The following CDK14 variants were observed in gnomAD, a reference collection of about 807,000 sequenced individuals.
The protein encoded by CDK14 is cyclin dependent kinase 14.
CDK14 carries 34 observed loss-of-function variants against 60.7 expected under a neutral mutation model. That is an observed-to-expected ratio of 0.56 (90% CI 0.43 to 0.75). The LOEUF (loss-of-function observed/expected upper bound fraction) is 0.75, where lower values mean the gene tolerates loss of function less well. CDK14 is among the 30% of genes least tolerant of loss of function. The pLI is 0.00. For synonymous variants in CDK14, 197 were observed against 203.7 expected, an observed-to-expected ratio of 0.97 and a Z score of 0.28; for missense variants, 482 against 564.1, an observed-to-expected ratio of 0.85 and a Z score of 1.47.
chr7:91,090,777 A>C (rs958511295), intron 12 of CDK14, among the ~76,000 whole-genome samples: 1 of 152,136 alleles, frequency 6.6e-6, no homozygotes, highest in African/African-American at 2.4e-5. Flanking sequence ...TGAATATTGA[A>C]TGTCTCTCTC....
intron 2 of CDK14, among the ~76,000 whole-genome samples, chr7:90,696,007 A>G (rs909843774): frequency 2.6e-5 from 4 of 152,172 alleles, no homozygotes; most frequent in African/African-American, 9.7e-5. Flanking sequence ...GGGAAGAAGA[A>G]TGTGAGAATA....
At chr7:91,092,948 A>G (rs568185204) in intron 12 of CDK14, among the ~76,000 whole-genome samples, 7 of 152,310 alleles carry the variant, frequency 4.6e-5, no homozygotes, top group Middle Eastern at 6.8e-3. Flanking sequence ...CCCTCCTCCA[A>G]TGTTTTCATA....
rs888024500 is a variant in CDK14, at chr7:90,611,144, T to C, written c.123+6895T>C. Among the ~76,000 whole-genome samples the C allele has an allele frequency of 1.3e-5, 2 of 152,218 alleles. 1 individual carries two copies. Among genetic ancestry groups the C allele is most frequent in the Non-Finnish European group, 2.9e-5 (2 of 68,042 alleles). On this transcript the variant is annotated intron_variant, in intron 2 of 14. Coordinates refer to ENST00000380050, the MANE Select transcript of CDK14 (RefSeq NM_001287135.2). The stretch of plus-strand genomic sequence containing the variant: ...CTTACATAATTGATTCTTTCCTTTC[T>C]TTTCTATGTTTTCTGCCCTCTCCTT...
chr7:90,980,353 G>T (rs1056133051), intron 9 of CDK14, among the ~76,000 whole-genome samples: 1 of 152,050 alleles, frequency 6.6e-6, no homozygotes, highest in African/African-American at 2.4e-5. Context: ...TCAAAAGAAG[G>T]AACAAAGGAG....
At chr7:91,139,125 A>AGT (rs1160461346) in intron 14 of CDK14, among the ~76,000 whole-genome samples, 1 of 152,160 alleles carries the variant, frequency 6.6e-6, no homozygotes, top group African/African-American at 2.4e-5. Context: ...TTTCTTCATC[A>AGT]GTGCTCCCTC....
chr7:90,835,243 A>G (rs1199552129), intron 5 of CDK14, among the ~76,000 whole-genome samples: 1 of 152,132 alleles, frequency 6.6e-6, no homozygotes, highest in Admixed American at 6.5e-5. Flanking sequence ...ATTTGTAAGG[A>G]TTGGGATCTT....
chr7:91,194,495 G>C (rs1289840781), intron 14 of CDK14, among the ~76,000 whole-genome samples: 1 of 152,020 alleles, frequency 6.6e-6, no homozygotes, highest in Non-Finnish European at 1.5e-5. Flanking sequence ...AAAATAGGCT[G>C]TGGGGGTTTT....
At chr7:91,052,979 CTG>C (rs762620930) in intron 11 of CDK14, among the ~76,000 whole-genome samples, 4 of 151,722 alleles carry the variant, frequency 2.6e-5, no homozygotes, top group Non-Finnish European at 5.9e-5. Context: ...ACGGACTTAG[CTG>C]TATCAAGGCT....
At chr7:91,121,964 A>G (rs1304244802) in intron 14 of CDK14, among the ~76,000 whole-genome samples, 1 of 152,198 alleles carries the variant, frequency 6.6e-6, no homozygotes, top group Admixed American at 6.5e-5. Context: ...CACTTACTCT[A>G]AACTGGCATA....
At chr7:91,038,431 A>G (rs1395460118) in intron 10 of CDK14, among the ~76,000 whole-genome samples, 10 of 152,208 alleles carry the variant, frequency 6.6e-5, no homozygotes, top group Admixed American at 3.9e-4. Flanking sequence ...AAAGAAATAG[A>G]CGTTTATCAA....
chr7:91,147,164 A>T (rs3930598), intron 14 of CDK14, among the ~76,000 whole-genome samples: 54,447 of 83,280 alleles, frequency 0.65, 14,894 homozygotes, highest in Non-Finnish European at 0.71. Flanking sequence ...TCTCTCTCTC[A>T]CACACACACA....
intron 2 of CDK14, among the ~76,000 whole-genome samples, chr7:90,649,401 CTTTCTTTCT>C (rs1800571718): frequency 1.0e-5 from 1 of 98,598 alleles, no homozygotes; most frequent in African/African-American, 4.6e-5. Context: ...TTCCTTCTTT[CTTTCTTTCT>C]TTCTTTCTTT....
chr7:90,689,458 G>A (rs1336814576), intron 2 of CDK14, among the ~76,000 whole-genome samples: 2 of 152,140 alleles, frequency 1.3e-5, no homozygotes, highest in Non-Finnish European at 2.9e-5. Context: ...AAATGGAGGA[G>A]AGGGATAAAA....
At chr7:91,100,098 G>T (rs949464323) in intron 12 of CDK14, among the ~76,000 whole-genome samples, 1 of 152,040 alleles carries the variant, frequency 6.6e-6, no homozygotes, top group East Asian at 1.9e-4. Flanking sequence ...CTAAATCTAG[G>T]GATCTTTTCT....
At chr7:90,607,956 A>G (rs965342467) in intron 2 of CDK14, among the ~76,000 whole-genome samples, 3 of 152,226 alleles carry the variant, frequency 2.0e-5, no homozygotes, top group Admixed American at 6.5e-5. Context: ...AGGGTTTGAC[A>G]TAGTACTTGG....
intron 14 of CDK14, among the ~76,000 whole-genome samples, chr7:91,193,849 T>C (rs1802449676): frequency 6.6e-6 from 1 of 152,188 alleles, no homozygotes; most frequent in Non-Finnish European, 1.5e-5. Flanking sequence ...CTATATTTTG[T>C]CAGATTCGTT....
intron 14 of CDK14, among the ~76,000 whole-genome samples, chr7:91,196,212 A>T (rs1163631558): frequency 6.6e-6 from 1 of 152,186 alleles, no homozygotes; most frequent in African/African-American, 2.4e-5. Flanking sequence ...AAGAGAGTAG[A>T]ATAGTCCTGA....
At chr7:91,132,246 CA>C in intron 14 of CDK14, among the ~76,000 whole-genome samples, 1 of 152,162 alleles carries the variant, frequency 6.6e-6, no homozygotes, top group Non-Finnish European at 1.5e-5. Context: ...AGATTTTGAA[CA>C]AAAGAAGGCA....
At chr7:91,091,223 C>G (rs1798796209) in intron 12 of CDK14, among the ~76,000 whole-genome samples, 1 of 148,212 alleles carries the variant, frequency 6.7e-6, no homozygotes, top group African/African-American at 2.5e-5. Flanking sequence ...TGACAAGACC[C>G]TATCTGTAAA....
Sources: allele counts gnomAD v4.1 joint callset (sites outside exome capture counted in the v4.1 genomes callset), GRCh38; gene constraint gnomAD v4.1.1; transcripts MANE v1.5; gene names NCBI Gene and HGNC (gene_info 2026-07-23, HGNC 2026-07-21).